IAH1: variants seen among roughly 807,000 people sequenced by gnomAD.
IAH1 encodes the protein isoamyl acetate-hydrolyzing esterase 1 homolog.
A neutral mutation model predicts 26.7 loss-of-function variants in IAH1; 24 were observed. The ratio of observed to expected loss-of-function variants is 0.90; its 90% confidence interval spans 0.65 to 1.26. The LOEUF (loss-of-function observed/expected upper bound fraction) is 1.26. IAH1 is among the 50% of genes most tolerant of loss of function. IAH1 has a pLI of 0.00. For synonymous variants in IAH1, 140 were observed against 118.5 expected (o/e 1.18, Z -1.18); for missense variants, 300 against 299.9 (o/e 1.00, Z 0.00).
Position 9,488,211 on chromosome 2 carries a change from C to G in IAH1, c.629C>G (p.Ser210Trp), listed in dbSNP as rs1558485847. 5.0e-6 allele frequency: 8 copies of G among 1,613,314 alleles called. No homozygotes were observed. In the Middle Eastern group the frequency reaches 1.2e-3, roughly 233 times the overall value. ...CCAAAGGGGAATGAATTTTTGTTCT[C>G]GCATCTCTGGCCTTTGATAGAGAAA... ...LSPKGNEFLF[S>W]HLWPLIEKKV... The change falls in exon 6 of 6, where the codon TCG (serine) becomes TGG (tryptophan). Residue 210 changes from serine (S) to tryptophan (W), a missense_variant. Transcript: ENST00000497473.
At chr2:9,493,681 C>G, downstream of IAH1, 1 of 1,403,998 alleles carries the variant, frequency 7.1e-7, no homozygotes, top group Admixed American at 1.7e-5. Flanking sequence ...TCTGAAAGCA[C>G]ACTTTTCTAA....
At chr2:9,481,809 C>A (rs1572842817) in intron 4 of IAH1, among the ~76,000 whole-genome samples, 1 of 151,942 alleles carries the variant, frequency 6.6e-6, no homozygotes, top group African/African-American at 2.4e-5. Context: ...TGGAAGTCCA[C>A]ACCTGGGGCT....
chr2:9,482,184 AC>A (rs558697720), intron 4 of IAH1, among the ~76,000 whole-genome samples: 260 of 152,050 alleles, frequency 1.7e-3, no homozygotes, highest in Admixed American at 5.2e-3. Flanking sequence ...GTGCACCACC[AC>A]GCCCGGCTAA....
intron 2 of IAH1, among the ~76,000 whole-genome samples, chr2:9,477,610 C>T (rs1189171147): frequency 2.0e-5 from 3 of 151,580 alleles, no homozygotes; most frequent in African/African-American, 7.3e-5. Flanking sequence ...CACAGCGTGC[C>T]CAGGGTCACG....
downstream of IAH1, among the ~76,000 whole-genome samples, chr2:9,497,925 T>C (rs540701829): frequency 7.9e-5 from 12 of 152,296 alleles, no homozygotes; most frequent in Non-Finnish European, 1.6e-4. Flanking sequence ...TTCCCTCTAC[T>C]AGACTGGAAA....
intron 5 of IAH1, 119 bp from the exon 6 acceptor site, chr2:9,488,028 A>G: frequency 4.5e-6 from 3 of 664,990 alleles, no homozygotes; most frequent in Non-Finnish European, 7.3e-6. Context: ...TTTTTTGTAG[A>G]GACAGGGTCT....
the IAH1 span, among the ~76,000 whole-genome samples, chr2:9,506,452 C>T: frequency 6.1e-4 from 91 of 150,308 alleles, no homozygotes; most frequent in Middle Eastern, 3.5e-3. Flanking sequence ...TTGTAACCTC[C>T]GCCTCCCGGG....
chr2:9,484,590 C>A, intron 5 of IAH1, 40 bp downstream of exon 5: 1 of 1,341,546 alleles, frequency 7.5e-7, no homozygotes, highest in Non-Finnish European at 1.1e-6. Context: ...TAAATAGGAT[C>A]ACACAGAAGT....
downstream of IAH1, among the ~76,000 whole-genome samples, chr2:9,501,045 A>G (rs570109532): frequency 2.8e-5 from 4 of 144,368 alleles, no homozygotes; most frequent in South Asian, 6.6e-4. Flanking sequence ...TGTTCTGAGA[A>G]TGGCAACAGA....
Position 9,484,431 on chromosome 2 carries a change from G to C in IAH1, c.446-1G>C. ...CCACCTCTATTTCTTCTCTTCAATA[G>C]GTTGCAAACTAAATCGCCTGAACTC... is the stretch of plus-strand genomic sequence containing the variant. On this transcript the variant is annotated splice_acceptor_variant, in intron 4 of 5. Transcript: ENST00000497473. LOFTEE classifies it high-confidence loss of function. The C allele has an allele frequency of 6.2e-7, 1 of 1,613,032 alleles. No individual in the cohort carries two copies. Among genetic ancestry groups the C allele is most frequent in the Non-Finnish European group, 8.5e-7 (1 of 1,178,960 alleles).
At chr2:9,487,854 T>TG (rs532433122) in intron 5 of IAH1, among the ~76,000 whole-genome samples, 12 of 144,536 alleles carry the variant, frequency 8.3e-5, no homozygotes, top group African/African-American at 2.1e-4. Flanking sequence ...GCGCGCGCTG[T>TG]GGGGGGAGAC....
downstream of IAH1, among the ~76,000 whole-genome samples, chr2:9,499,110 CTTCTT>C (rs1164444912): frequency 7.9e-5 from 11 of 138,722 alleles, no homozygotes; most frequent in South Asian, 1.3e-3. Flanking sequence ...TTTCTTTCTT[CTTCTT>C]TTTTTTTTTT....
chr2:9,499,767 C>T (rs931449011), downstream of IAH1, among the ~76,000 whole-genome samples: 4 of 152,256 alleles, frequency 2.6e-5, no homozygotes, highest in East Asian at 1.9e-4. Flanking sequence ...AAAACATGGG[C>T]AACATGTCAT....
chr2:9,490,586 C>A, downstream of IAH1: 1 of 1,437,438 alleles, frequency 7.0e-7, no homozygotes, highest in South Asian at 1.4e-5. Flanking sequence ...ACAGCTCCAC[C>A]CTTACCCATC....
chr2:9,502,879 C>CAAAAAA, the IAH1 span, among the ~76,000 whole-genome samples: 6 of 43,592 alleles, frequency 1.4e-4, no homozygotes, highest in African/African-American at 1.9e-4. Context: ...AATTCTGTCT[C>CAAAAAA]AAAAAAAAAA....
intron 3 of IAH1, among the ~76,000 whole-genome samples, chr2:9,481,076 C>T (rs1418212949): frequency 1.3e-5 from 2 of 152,262 alleles, no homozygotes; most frequent in African/African-American, 2.4e-5. Flanking sequence ...AGAGTACTTA[C>T]GGTGCCCCTA....
At chr2:9,478,759 C>T (rs1044912685) in intron 3 of IAH1, among the ~76,000 whole-genome samples, 1 of 152,082 alleles carries the variant, frequency 6.6e-6, no homozygotes, top group Non-Finnish European at 1.5e-5. Flanking sequence ...CAGCAGCCAC[C>T]CTGACCTCAG....
intron 4 of IAH1, among the ~76,000 whole-genome samples, chr2:9,484,122 C>A (rs1661343287): frequency 1.3e-5 from 2 of 152,202 alleles, no homozygotes; most frequent in Non-Finnish European, 2.9e-5. Context: ...AGCAGCCCAG[C>A]CCTCCTGGGC....
At chr2:9,483,922 A>T (rs1326341023) in intron 4 of IAH1, among the ~76,000 whole-genome samples, 1 of 152,216 alleles carries the variant, frequency 6.6e-6, no homozygotes, top group Non-Finnish European at 1.5e-5. Context: ...CTATTTAGTG[A>T]AAATTGTAGG....
Sources: allele counts gnomAD v4.1 joint callset (sites outside exome capture counted in the v4.1 genomes callset), GRCh38; gene constraint gnomAD v4.1.1; transcripts MANE v1.5; gene names NCBI Gene and HGNC (gene_info 2026-07-23, HGNC 2026-07-21).